BTBD8: variants seen among roughly 807,000 people sequenced by gnomAD.
The protein encoded by BTBD8 is BTB/POZ domain-containing protein 8.
BTBD8 carries 110 observed loss-of-function variants against 162.9 expected under a neutral mutation model. The ratio of observed to expected loss-of-function variants is 0.68; its 90% CI spans 0.58 to 0.79. BTBD8 has a LOEUF of 0.79. Ranked by LOEUF, BTBD8 falls within the 30% of genes least tolerant of loss-of-function variation. BTBD8 has a pLI of 0.00. For missense variants in BTBD8, 1,905 were observed against 2,085.4 expected (o/e 0.91, Z 1.68); for synonymous variants, 667 against 716.1 (o/e 0.93, Z 1.10).
intron 4 of BTBD8, among the ~76,000 whole-genome samples, chr1:92,120,008 C>T (rs968142530): frequency 6.7e-6 from 1 of 148,610 alleles, no homozygotes; most frequent in Non-Finnish European, 1.5e-5. Flanking sequence ...TCAAGCAATT[C>T]GCCTGCCTCA....
At chr1:92,101,097 A>G (rs1648580167) in intron 2 of BTBD8, among the ~76,000 whole-genome samples, 1 of 152,044 alleles carries the variant, frequency 6.6e-6, no homozygotes, top group African/African-American at 2.4e-5. Context: ...TCCCCCACCA[A>G]TCCCCATTGT....
At chr1:92,098,290 A>G (rs1345778300) in intron 2 of BTBD8, among the ~76,000 whole-genome samples, 2 of 152,152 alleles carry the variant, frequency 1.3e-5, no homozygotes, top group Non-Finnish European at 2.9e-5. Flanking sequence ...TTTCCCCTAC[A>G]TATAGATATA....
intron 9 of BTBD8, among the ~76,000 whole-genome samples, chr1:92,154,142 T>C (rs1030098139): frequency 4.6e-5 from 7 of 152,174 alleles, no homozygotes; most frequent in African/African-American, 1.4e-4. Flanking sequence ...TCCACTATGA[T>C]TGTAAGCTTC....
intron 14 of BTBD8, 88 bp from the exon 15 acceptor site, chr1:92,177,723 T>C (rs1413967292): frequency 2.2e-6 from 2 of 890,232 alleles, no homozygotes; most frequent in Non-Finnish European, 3.6e-6. Context: ...ATATTTCATT[T>C]TGTTTATAGT....
At position 92,178,225 on chromosome 1, in the gene BTBD8, G is replaced by GA. The variant is rs1336075478; in HGVS notation, c.2442-80dup. 44 of 1,022,582 alleles carry GA rather than the reference G, an allele frequency of 4.3e-5. No homozygotes were observed. The African/African-American group carries it at 5.9e-4, about 14-fold the overall frequency. The allele number at this position is 1,022,582 out of a possible 1,614,324, so 63.3% of individuals were successfully genotyped here. On this transcript the variant is annotated intron_variant, in intron 15 of 17. Transcript: ENST00000636805. ...AGGAGAGATGTATTTTTTATTTCTT[G>GA]AAAAAAACTGTTTCAGGTATTGGTC...
intron 2 of BTBD8, among the ~76,000 whole-genome samples, chr1:92,093,794 T>C (rs1367332695): frequency 6.6e-6 from 1 of 152,220 alleles, no homozygotes; most frequent in African/African-American, 2.4e-5. Flanking sequence ...CAGTGGAAAG[T>C]TGAGCTTGCT....
In BTBD8 at chr1:92,176,808, TA is replaced by T. The variant is rs1346606564; in HGVS notation, c.1636-20del. 1.7e-6 allele frequency: 2 copies of T among 1,147,666 alleles called. No homozygotes were observed. Among genetic ancestry groups the T allele is most frequent in the Non-Finnish European group, 2.4e-6 (2 of 847,726 alleles). 71.1% of individuals were successfully genotyped at this position (1,147,666 alleles called of 1,614,324 possible). A position where few individuals can be genotyped will look rare whatever the true frequency, so the allele number is the denominator to read the frequency against. On this transcript the variant is annotated intron_variant, in intron 13 of 17. Transcript: ENST00000636805. ...TAAAGATTTCAGTCAAATTACAAAG[TA>T]TTTTTTTTCTTTTTTATAGCAAAGG...
At chr1:92,118,968 G>C (rs1210147564) in intron 4 of BTBD8, among the ~76,000 whole-genome samples, 1 of 151,198 alleles carries the variant, frequency 6.6e-6, no homozygotes, top group African/African-American at 2.4e-5. Flanking sequence ...TGGTATAAAA[G>C]ACAAACGATA....
chr1:92,153,321 T>C (rs1219379283), intron 9 of BTBD8, among the ~76,000 whole-genome samples: 2 of 152,240 alleles, frequency 1.3e-5, no homozygotes, highest in Non-Finnish European at 2.9e-5. Flanking sequence ...CTGGCAATTC[T>C]AGTTCATTAG....
chr1:92,080,408 TC>T lies in BTBD8; in HGVS notation c.-163del. ...AGGCTCCCCACCGCGGTCCGGCTTC[TC>T]TGGGAGACTGTCTACAAACCGACGA... On this transcript the variant is annotated 5_prime_UTR_variant, in exon 1 of 18. Coordinates refer to ENST00000636805, the MANE Select transcript of BTBD8 (RefSeq NM_001376131.1). The T allele has an allele frequency of 9.6e-7, 1 of 1,040,722 alleles. No individual in the cohort carries two copies. The highest frequency in any genetic ancestry group is 1.3e-6 in the Non-Finnish European group (1 of 745,734). 64.5% of individuals were successfully genotyped at this position (1,040,722 alleles called of 1,614,324 possible). A position where few individuals can be genotyped will look rare whatever the true frequency, so the allele number is the denominator to read the frequency against.
At chr1:92,099,420 C>CAA (rs553933303) in intron 2 of BTBD8, among the ~76,000 whole-genome samples, 2,435 of 96,166 alleles carry the variant, frequency 0.025, 87 homozygotes, top group African/African-American at 0.082. Context: ...TCAATTTCTG[C>CAA]AAAAAAAAAA....
At chr1:92,175,006 A>G (rs1027634761) in intron 13 of BTBD8, among the ~76,000 whole-genome samples, 9 of 152,212 alleles carry the variant, frequency 5.9e-5, no homozygotes, top group Non-Finnish European at 1.0e-4. Context: ...CAAAATATGC[A>G]ATATATGCCC....
Position 92,184,498 on chromosome 1 carries a change from G to T in BTBD8, c.*168G>T. ...ATTAATATATCACATATAGAAAAAT[G>T]TTTTTCTAAAGTTTTTGAGCATGTT... On this transcript the variant is annotated 3_prime_UTR_variant, in exon 18 of 18. Transcript: ENST00000636805. The T allele has an allele frequency of 2.3e-6, 1 of 439,008 alleles. No homozygotes were observed. Among genetic ancestry groups the T allele is most frequent in the Admixed American group, 3.9e-5 (1 of 25,548 alleles). The allele number at this position is 439,008 out of a possible 1,614,324, so 27.2% of individuals were successfully genotyped here.
Position 92,177,549 on chromosome 1 carries a change from G to A in BTBD8, c.2353+3G>A. 1 of 1,508,896 alleles carries A rather than the reference G, an allele frequency of 6.6e-7. No homozygotes were observed. The highest frequency in any genetic ancestry group is 8.9e-7 in the Non-Finnish European group (1 of 1,122,708). 93.5% of individuals were successfully genotyped at this position (1,508,896 alleles called of 1,614,324 possible). A position where few individuals can be genotyped will look rare whatever the true frequency, so the allele number is the denominator to read the frequency against. ...TAGTGTCAAAAATTCCACTGTAGGT[G>A]GGTTTTAGCACTGTAATTTTTAATA... On this transcript the variant is annotated splice_donor_region_variant and intron_variant, in intron 14 of 17. Transcript: ENST00000636805.
chr1:92,168,691 TATAAA>T, intron 11 of BTBD8, among the ~76,000 whole-genome samples, 170 bp from the exon 12 acceptor site: 1 of 152,298 alleles, frequency 6.6e-6, no homozygotes, highest in Non-Finnish European at 1.5e-5. Flanking sequence ...TGTGTTCATT[TATAAA>T]ATTTTGTTAT....
intron 2 of BTBD8, among the ~76,000 whole-genome samples, chr1:92,097,884 G>A (rs904093437): frequency 3.3e-5 from 5 of 152,314 alleles, no homozygotes; most frequent in African/African-American, 1.2e-4. Context: ...GTGGGGCAAA[G>A]TTCATGAAAA....
In BTBD8 at chr1:92,181,292, G is replaced by A. The variant is rs900344096; in HGVS notation, c.3609G>A (p.Ser1203=). 1.2e-5 allele frequency: 18 copies of A among 1,551,252 alleles called. No homozygotes were observed. The highest frequency in any genetic ancestry group is 3.6e-5 in the South Asian group (3 of 84,020). ...CAGATGTATCTTCCAAGTGTTTTTC[G>A]GGACAGCTATCAGAAAAAAATTCTC... is the stretch of plus-strand genomic sequence containing the variant. ...ADSDVSSKCF[S]GQLSEKNSPK... is the part of the protein sequence containing the mutation. The change falls in exon 17 of 18, where the codon TCG becomes TCA. Residue 1203 remains serine (S), a synonymous_variant. Coordinates refer to ENST00000636805, the MANE Select transcript of BTBD8 (RefSeq NM_001376131.1).
intron 6 of BTBD8, chr1:92,139,958 A>AAAG (rs1649732343): frequency 6.9e-6 from 1 of 144,976 alleles, no homozygotes; most frequent in Non-Finnish European, 1.5e-5. Context: ...AAAAAAAAAA[A>AAAG]AAAAAGCTGG....
intron 9 of BTBD8, among the ~76,000 whole-genome samples, chr1:92,152,597 T>G (rs1276647201): frequency 6.6e-6 from 1 of 151,850 alleles, no homozygotes; most frequent in Non-Finnish European, 1.5e-5. Context: ...AGAAGATGAG[T>G]CTGGGGACAG....
Sources: gnomAD v4.1 joint callset for allele counts (sites outside exome capture counted in the v4.1 genomes callset) on GRCh38, gnomAD v4.1.1 for gene constraint, MANE v1.5 for transcripts, NCBI Gene and HGNC (gene_info 2026-07-23, HGNC 2026-07-21) for gene names.